CAST: variants seen among roughly 807,000 people sequenced by gnomAD.
CAST encodes calpastatin, also known as MIR583 host.
Under a neutral mutation model 119.6 loss-of-function variants are expected in CAST, and 76 were observed. The observed-to-expected ratio is 0.64, with a 90% CI of 0.53 to 0.77. The LOEUF (loss-of-function observed/expected upper bound fraction) is 0.77. CAST is among the 30% of genes least tolerant of loss of function. CAST has a pLI of 0.00. For synonymous variants in CAST, 319 were observed against 331.6 expected, an observed-to-expected ratio of 0.96 and a Z score of 0.41; for missense variants, 953 against 946.5, an observed-to-expected ratio of 1.01 and a Z score of -0.09.
the CAST span, among the ~76,000 whole-genome samples, chr5:96,428,121 T>G: frequency 1.3e-5 from 2 of 152,224 alleles, no homozygotes; most frequent in Non-Finnish European, 2.9e-5. Flanking sequence ...TTCCCTACCC[T>G]CATAATTTGT....
upstream of CAST, among the ~76,000 whole-genome samples, chr5:96,520,766 T>C (rs1207435914): frequency 1.3e-5 from 2 of 152,234 alleles, no homozygotes; most frequent in South Asian, 4.1e-4. Context: ...TTCTTTGTCA[T>C]CATTTCATTG....
chr5:96,724,581 A>T (rs1035163535), intron 4 of CAST, among the ~76,000 whole-genome samples: 2 of 152,196 alleles, frequency 1.3e-5, no homozygotes, highest in African/African-American at 4.8e-5. Context: ...CTATAATCCC[A>T]GCATTTTGAG....
At chr5:96,433,363 G>A in the CAST span, 6 of 405,578 alleles carry the variant, frequency 1.5e-5, no homozygotes, top group Non-Finnish European at 2.3e-5. Context: ...TATTCCCGGC[G>A]GGGCGGAGAA....
chr5:95,965,207 C>A, the CAST span: 1 of 152,108 alleles, frequency 6.6e-6, no homozygotes, highest in Non-Finnish European at 1.5e-5. Context: ...GCCAGGTGAA[C>A]ATAAGGTGGC....
the CAST span, among the ~76,000 whole-genome samples, chr5:96,271,653 A>G: frequency 8.0e-6 from 1 of 124,932 alleles, no homozygotes; most frequent in Non-Finnish European, 1.6e-5. Context: ...AACCACTAGG[A>G]AAAAAAAAAA....
chr5:96,611,123 A>AT (rs1253278489), intron 1 of CAST, among the ~76,000 whole-genome samples: 1 of 152,178 alleles, frequency 6.6e-6, no homozygotes, highest in Non-Finnish European at 1.5e-5. Context: ...TACCAACATT[A>AT]TTTTTTCATG....
chr5:96,479,008 G>A, the CAST span, among the ~76,000 whole-genome samples: 1 of 152,198 alleles, frequency 6.6e-6, no homozygotes, highest in Non-Finnish European at 1.5e-5. Context: ...TGTAACTGGG[G>A]AGGAGAACAA....
the CAST span, among the ~76,000 whole-genome samples, chr5:96,334,851 T>G: frequency 6.6e-6 from 1 of 152,170 alleles, no homozygotes; most frequent in East Asian, 1.9e-4. Context: ...TGCTACAGTA[T>G]AAATGCAATA....
the CAST span, among the ~76,000 whole-genome samples, chr5:95,962,270 G>A: frequency 8.5e-4 from 130 of 152,340 alleles, no homozygotes; most frequent in African/African-American, 2.9e-3. Flanking sequence ...TTGGAGAGGA[G>A]GATCTCCACC....
chr5:96,099,436 A>T, the CAST span, among the ~76,000 whole-genome samples: 5 of 152,150 alleles, frequency 3.3e-5, no homozygotes, highest in African/African-American at 7.2e-5. Context: ...ACTTTTGCCT[A>T]TTCAGTATGA....
the CAST span, among the ~76,000 whole-genome samples, chr5:96,129,496 G>A: frequency 6.6e-6 from 1 of 152,102 alleles, no homozygotes; most frequent in African/African-American, 2.4e-5. Flanking sequence ...GGTAAATGAA[G>A]AAGGAATTAC....
chr5:96,670,875 C>T (rs889128075), intron 1 of CAST, among the ~76,000 whole-genome samples: 3 of 152,228 alleles, frequency 2.0e-5, no homozygotes, highest in African/African-American at 7.2e-5. Context: ...TGGGTAACAA[C>T]AGGGCAGGTG....
At chr5:96,105,288 GA>G in the CAST span, among the ~76,000 whole-genome samples, 1 of 152,210 alleles carries the variant, frequency 6.6e-6, no homozygotes, top group Non-Finnish European at 1.5e-5. Flanking sequence ...TAGGAGTGGT[GA>G]GAGAGGTCAT....
At chr5:96,412,898 C>A in the CAST span, 1 of 618,112 alleles carries the variant, frequency 1.6e-6, no homozygotes, top group Non-Finnish European at 2.1e-6. Context: ...TGCCCTCCCT[C>A]CCACCCCAAC....
the CAST span, chr5:96,390,266 A>T: frequency 6.6e-6 from 1 of 152,262 alleles, no homozygotes; most frequent in African/African-American, 2.4e-5. Context: ...TTAACTCCTT[A>T]ATGTAAACTG....
intron 1 of CAST, among the ~76,000 whole-genome samples, chr5:96,652,944 AC>A (rs1748112855): frequency 1.3e-5 from 2 of 152,128 alleles, no homozygotes; most frequent in African/African-American, 4.8e-5. Context: ...ACACCCTCTT[AC>A]CCACCTGCTG....
intron 1 of CAST, among the ~76,000 whole-genome samples, chr5:96,635,792 A>G (rs155060): frequency 0.22 from 33,873 of 152,134 alleles, 4,052 homozygotes; most frequent in Non-Finnish European, 0.26. Flanking sequence ...GTGCTTAGTT[A>G]GACAATTGCT....
At chr5:96,269,742 G>T in the CAST span, among the ~76,000 whole-genome samples, 1 of 152,072 alleles carries the variant, frequency 6.6e-6, no homozygotes, top group Non-Finnish European at 1.5e-5. Context: ...CAAGTATCAA[G>T]ATCAAAGCTG....
chr5:96,405,999 A>C, the CAST span, among the ~76,000 whole-genome samples: 7 of 152,148 alleles, frequency 4.6e-5, no homozygotes, highest in Middle Eastern at 3.2e-3. Context: ...TAAATATAAT[A>C]AGTCTGTTGC....
Sources: allele counts gnomAD v4.1 joint callset (sites outside exome capture counted in the v4.1 genomes callset), GRCh38; gene constraint gnomAD v4.1.1; transcripts MANE v1.5; gene names NCBI Gene and HGNC (gene_info 2026-07-23, HGNC 2026-07-21).